ADARB2: variants seen among roughly 807,000 people sequenced by gnomAD.
ADARB2 encodes the protein inactive double-stranded RNA-specific editase B2.
In ADARB2, 25 loss-of-function variants were observed where a neutral mutation model predicts 62.2. The ratio of observed to expected loss-of-function variants is 0.40; its 90% confidence interval spans 0.29 to 0.56. The LOEUF is 0.56. ADARB2 is among the 20% of genes least tolerant of loss of function. ADARB2 has a pLI of 0.43. For missense variants in ADARB2, 1,071 were observed against 1,077.4 expected, an observed-to-expected ratio of 0.99 and a Z score of 0.08; for synonymous variants, 572 against 500.8, an observed-to-expected ratio of 1.14 and a Z score of -1.90.
chr10:1,395,766 G>C (rs1019583246), intron 1 of ADARB2, among the ~76,000 whole-genome samples: 18 of 152,302 alleles, frequency 1.2e-4, no homozygotes, highest in African/African-American at 3.8e-4. Flanking sequence ...GCAGCAGGGT[G>C]GGGGGCTGCC....
rs534462463 is a variant in ADARB2, at chr10:1,487,878, A to G, written c.101-108718T>C. Among the ~76,000 whole-genome samples, 447 of 152,038 alleles carry G rather than the reference A, an allele frequency of 2.9e-3. 1 individual carries two copies. Among genetic ancestry groups the G allele is most frequent in the African/African-American group, 0.01 (426 of 41,538 alleles). On this transcript the variant is annotated intron_variant, in intron 1 of 9. Coordinates refer to ENST00000381312, the MANE Select transcript of ADARB2 (RefSeq NM_018702.4). ...GCCGCGGGTGTGAGGAGAGCTTGGC[A>G]TGATTCCACAGAGGAGGAAGAAAAA...
intron 1 of ADARB2, among the ~76,000 whole-genome samples, chr10:1,656,516 G>A (rs973090013): frequency 2.7e-5 from 4 of 149,486 alleles, no homozygotes; most frequent in African/African-American, 9.8e-5. Flanking sequence ...GAGAGAGAGG[G>A]AAAGAGAGAA....
rs886881253 is a variant in ADARB2 at position 1,607,767 on chromosome 10, C to T, written c.100+129284G>A. Among the ~76,000 whole-genome samples, 4 of 152,254 alleles carry T rather than the reference C, an allele frequency of 2.6e-5. No individual in the cohort carries two copies. In the South Asian group the frequency reaches 8.3e-4, roughly 31 times the overall value. On this transcript the variant is annotated intron_variant, in intron 1 of 9. Coordinates refer to ENST00000381312, the MANE Select transcript of ADARB2 (RefSeq NM_018702.4). ...ACTCCAGGAGGCATCCGCCCAGTGCCTCTGGACCTGCCTGGGGCTCCAGCC... is the reference window on the plus strand; with the variant it reads ...ACTCCAGGAGGCATCCGCCCAGTGCTTCTGGACCTGCCTGGGGCTCCAGCC...
In ADARB2 at chr10:1,363,784, C is replaced by T. The variant is rs765129282; in HGVS notation, c.321G>A (p.Gly107=). Residue 107 remains glycine, a synonymous_variant, in exon 3 of 10, where the codon GGG becomes GGA. Transcript: ENST00000381312. The part of the protein sequence containing the change: ...KRKRPLEEGN[G]GHLCKLQLVW... ...CCAGCTGCAGTTTGCACAAGTGGCC[C>T]CCATTCCCCTCCTCCAGCGGCCGCT... 1.2e-6 allele frequency: 2 copies of T among 1,600,652 alleles called. No homozygotes were observed. The highest frequency in any genetic ancestry group is 1.7e-6 in the Non-Finnish European group (2 of 1,179,096).
chr10:1,215,203 G>T (rs1200313313), intron 7 of ADARB2, among the ~76,000 whole-genome samples: 1 of 152,234 alleles, frequency 6.6e-6, no homozygotes, highest in Non-Finnish European at 1.5e-5. Context: ...GTAAACAGTT[G>T]TCCTGTTATC....
intron 1 of ADARB2, among the ~76,000 whole-genome samples, chr10:1,450,454 C>T (rs1025151279): frequency 6.6e-6 from 1 of 152,210 alleles, no homozygotes. Flanking sequence ...TGATTCAGCA[C>T]CGGACTCTGA....
At chr10:1,660,394 TC>T (rs1834230970) in intron 1 of ADARB2, among the ~76,000 whole-genome samples, 2 of 152,192 alleles carry the variant, frequency 1.3e-5, no homozygotes, top group Non-Finnish European at 2.9e-5. Context: ...GGTCGTAAGG[TC>T]CCACCTTTGG....
intron 1 of ADARB2, among the ~76,000 whole-genome samples, chr10:1,673,504 ATTTC>A (rs1469359805): frequency 6.6e-6 from 1 of 152,188 alleles, no homozygotes; most frequent in East Asian, 1.9e-4. Flanking sequence ...TTGCAAAATG[ATTTC>A]TTTACTTTCT....
intron 1 of ADARB2, chr10:1,678,323 G>C (rs569037916): frequency 1.0e-6 from 1 of 985,114 alleles, no homozygotes; most frequent in African/African-American, 1.7e-5. Context: ...GCGTCTTCAG[G>C]GTGAACATCC....
At chr10:1,407,327 G>A (rs1442280660) in intron 1 of ADARB2, among the ~76,000 whole-genome samples, 1 of 152,222 alleles carries the variant, frequency 6.6e-6, no homozygotes, top group African/African-American at 2.4e-5. Flanking sequence ...GCCATTGGAA[G>A]GGGTCCCGGG....
rs150100263 is a variant in ADARB2 at position 1,715,862 on chromosome 10, C to T, written c.100+21189G>A. On this transcript the variant is annotated intron_variant, in intron 1 of 9. Transcript: ENST00000381312. Reference sequence around the variant, plus strand: ...CTCACCCCTCTGCCTCAGTGGCTGGCGCAAGCTCTGCACACCCTTCCGAAC... The same window carrying T: ...CTCACCCCTCTGCCTCAGTGGCTGGTGCAAGCTCTGCACACCCTTCCGAAC... 8.0e-3 allele frequency among the ~76,000 whole-genome samples: 1,213 copies of T among 152,304 alleles called. 10 individuals carry two copies. The highest frequency in any genetic ancestry group is 0.027 in the Middle Eastern group (8 of 294).
intron 1 of ADARB2, among the ~76,000 whole-genome samples, chr10:1,648,001 G>T (rs1233104241): frequency 6.6e-6 from 1 of 152,152 alleles, no homozygotes; most frequent in Non-Finnish European, 1.5e-5. Context: ...AATTCTAATT[G>T]AGTGGATACA....
chr10:1,442,527 C>A (rs3898609), intron 1 of ADARB2, among the ~76,000 whole-genome samples: 49,344 of 152,146 alleles, frequency 0.32, 9,356 homozygotes, highest in Non-Finnish European at 0.42. Flanking sequence ...CAGACATTTT[C>A]ACTTAATAGC....
At chr10:1,518,914 A>G (rs1464288036) in intron 1 of ADARB2, among the ~76,000 whole-genome samples, 2 of 151,400 alleles carry the variant, frequency 1.3e-5, no homozygotes, top group East Asian at 2.0e-4. Flanking sequence ...ATATGCATGT[A>G]TTCCATGTAA....
chr10:1,404,694 G>A (rs747501041), intron 1 of ADARB2, among the ~76,000 whole-genome samples: 3 of 152,186 alleles, frequency 2.0e-5, no homozygotes, highest in Non-Finnish European at 2.9e-5. Flanking sequence ...CTGTAAGCTC[G>A]CCGGCTTCGG....
chr10:1,192,102 CATTATG>C (rs1264998777), intron 8 of ADARB2, among the ~76,000 whole-genome samples: 1 of 152,206 alleles, frequency 6.6e-6, no homozygotes, highest in Non-Finnish European at 1.5e-5. Flanking sequence ...TTTAAAAAGG[CATTATG>C]TAAGTGAGAC....
chr10:1,209,492 G>GGCCCACACCCACACCA (rs1336966752), intron 7 of ADARB2, among the ~76,000 whole-genome samples: 12 of 89,504 alleles, frequency 1.3e-4, no homozygotes, highest in African/African-American at 6.2e-4. Context: ...TGCCTACACT[G>GGCCCACACCCACACCA]TCGCCCATGC....
At chr10:1,565,320 T>C (rs534719392) in intron 1 of ADARB2, among the ~76,000 whole-genome samples, 81 of 152,328 alleles carry the variant, frequency 5.3e-4, no homozygotes, top group Middle Eastern at 3.4e-3. Flanking sequence ...GGAAAAATCA[T>C]TGCCTGCAAC....
chr10:1,262,447 CAAACAACCCCATGA>C (rs1831150701), intron 4 of ADARB2, among the ~76,000 whole-genome samples: 2 of 151,850 alleles, frequency 1.3e-5, no homozygotes. Context: ...CAAGAAAAAT[CAAACAACCCCATGA>C]AAAAGTGGGC....
Sources: allele counts gnomAD v4.1 joint callset (sites outside exome capture counted in the v4.1 genomes callset), GRCh38; gene constraint gnomAD v4.1.1; transcripts MANE v1.5; gene names NCBI Gene and HGNC (gene_info 2026-07-23, HGNC 2026-07-21).